Variants in RGS7 observed in about 807,000 individuals in gnomAD.
The protein encoded by RGS7 is regulator of G protein signaling 7.
Under a neutral mutation model 81.1 loss-of-function variants are expected in RGS7, and 27 were observed. That is an observed-to-expected ratio of 0.33 (90% CI 0.25 to 0.46). The LOEUF (loss-of-function observed/expected upper bound fraction) is 0.46. RGS7 is among the 20% of genes least tolerant of loss of function. The pLI, the probability that RGS7 is intolerant of heterozygous loss-of-function variation, is 1.00. For missense variants in RGS7, 396 were observed against 607.4 expected (o/e 0.65, Z 3.66); for synonymous variants, 208 against 207.7 (o/e 1.00, Z -0.01).
chr1:240,803,928 C>CA (rs1259354091), intron 15 of RGS7, among the ~76,000 whole-genome samples: 1 of 151,786 alleles, frequency 6.6e-6, no homozygotes, highest in Non-Finnish European at 1.5e-5. Flanking sequence ...AACACAACAG[C>CA]AATAATTTGA....
intron 13 of RGS7, 93 bp downstream of exon 13, chr1:240,813,525 C>G (rs1222679602): frequency 3.8e-6 from 3 of 782,562 alleles, no homozygotes; most frequent in African/African-American, 3.4e-5. Flanking sequence ...AACAAAATTA[C>G]ATTCACAATT....
At chr1:241,242,752 A>G (rs1337855316) in intron 2 of RGS7, among the ~76,000 whole-genome samples, 2 of 151,962 alleles carry the variant, frequency 1.3e-5, no homozygotes, top group African/African-American at 2.4e-5. Context: ...GATTTTTTTC[A>G]TATGTTTCTT....
intron 2 of RGS7, among the ~76,000 whole-genome samples, chr1:241,109,378 T>C (rs1357192001): frequency 1.3e-5 from 2 of 152,288 alleles, no homozygotes; most frequent in East Asian, 1.9e-4. Context: ...CAACAGAATA[T>C]GATCATATTC....
chr1:240,933,133 C>CT (rs1558487932), intron 5 of RGS7, among the ~76,000 whole-genome samples: 11 of 150,594 alleles, frequency 7.3e-5, no homozygotes, highest in Non-Finnish European at 1.6e-4. Flanking sequence ...CTGCCCCCCT[C>CT]GGCCCCACAA....
chr1:241,338,943 C>T (rs888352860), intron 2 of RGS7, among the ~76,000 whole-genome samples: 5 of 151,958 alleles, frequency 3.3e-5, no homozygotes, highest in African/African-American at 1.2e-4. Flanking sequence ...AGATTTGTTA[C>T]ATAGGTGAAC....
intron 3 of RGS7, among the ~76,000 whole-genome samples, chr1:240,991,492 G>A (rs888570344): frequency 2.6e-5 from 4 of 152,156 alleles, no homozygotes; most frequent in African/African-American, 9.7e-5. Context: ...TCTTGTGTGG[G>A]ATGGTGACAG....
rs556808645 is a variant in RGS7 at position 241,296,033 on chromosome 1, T to C, written c.78+59666A>G. On this transcript the variant is annotated intron_variant, in intron 2 of 18. Coordinates refer to ENST00000440928, the MANE Select transcript of RGS7 (RefSeq NM_001364886.1). ...GAACATGTTGAGCTTAAAGTGTCCATGGAGTATCTTGAGAAGATTCTGAGA... is the reference window on the plus strand; with the variant it reads ...GAACATGTTGAGCTTAAAGTGTCCACGGAGTATCTTGAGAAGATTCTGAGA... Among the ~76,000 whole-genome samples the C allele has an allele frequency of 5.1e-4, 77 of 152,326 alleles. 2 individuals carry two copies. Among genetic ancestry groups the C allele is most frequent in the African/African-American group, 1.8e-3 (74 of 41,570 alleles).
intron 6 of RGS7, among the ~76,000 whole-genome samples, chr1:240,892,158 T>C (rs1050933285): frequency 1.3e-5 from 2 of 152,244 alleles, no homozygotes; most frequent in Non-Finnish European, 1.5e-5. Context: ...TCTATGCTAA[T>C]GGTTCCCTTA....
chr1:241,249,880 T>C (rs1299912304), intron 2 of RGS7, among the ~76,000 whole-genome samples: 1 of 152,134 alleles, frequency 6.6e-6, no homozygotes, highest in Non-Finnish European at 1.5e-5. Flanking sequence ...GAAAAAAATT[T>C]TGGAATTTCA....
intron 3 of RGS7, among the ~76,000 whole-genome samples, chr1:241,082,874 C>A (rs749789120): frequency 1.3e-5 from 2 of 152,120 alleles, no homozygotes; most frequent in Non-Finnish European, 2.9e-5. Flanking sequence ...TAAATTATTT[C>A]TCTACAAATA....
At chr1:240,804,162 T>A (rs1688457803) in intron 15 of RGS7, among the ~76,000 whole-genome samples, 1 of 152,192 alleles carries the variant, frequency 6.6e-6, no homozygotes, top group Non-Finnish European at 1.5e-5. Flanking sequence ...ATCTCTCTGA[T>A]CCTTAATTTT....
intron 2 of RGS7, among the ~76,000 whole-genome samples, chr1:241,107,025 T>C (rs1328696642): frequency 2.0e-5 from 3 of 152,162 alleles, no homozygotes; most frequent in Non-Finnish European, 4.4e-5. Flanking sequence ...GTTGACAGAA[T>C]CCCAAATTCA....
At chr1:241,270,761 C>CTTTTT (rs1043826920) in intron 2 of RGS7, among the ~76,000 whole-genome samples, 4 of 148,902 alleles carry the variant, frequency 2.7e-5, no homozygotes, top group Non-Finnish European at 3.0e-5. Context: ...ACCCCCCCCC[C>CTTTTT]TTTTTTTTTT....
intron 4 of RGS7, among the ~76,000 whole-genome samples, chr1:240,945,495 T>C (rs1022248678): frequency 2.0e-5 from 3 of 152,240 alleles, no homozygotes; most frequent in Non-Finnish European, 4.4e-5. Flanking sequence ...TGCATTTTGT[T>C]TGAAAATCAA....
intron 9 of RGS7, among the ~76,000 whole-genome samples, chr1:240,842,030 T>C (rs948719618): frequency 6.6e-6 from 1 of 151,996 alleles, no homozygotes; most frequent in African/African-American, 2.4e-5. Flanking sequence ...GTGTATGAAA[T>C]ACTGCACGTA....
intron 2 of RGS7, among the ~76,000 whole-genome samples, chr1:241,311,142 A>C (rs1297211211): frequency 6.6e-6 from 1 of 152,226 alleles, no homozygotes; most frequent in Non-Finnish European, 1.5e-5. Flanking sequence ...TAAGACAATT[A>C]AAAGTATTGC....
rs377573487 is a variant in RGS7 at position 241,088,263 on chromosome 1, A to T, written c.175+10403T>A. The stretch of plus-strand genomic sequence containing the variant: ...TCAAGAGAGTGAGAGAGGAAGTGAT[A>T]CCAGATGAGGTCTGAGAGGCAGGGA... On this transcript the variant is annotated intron_variant, in intron 3 of 18. Transcript: ENST00000440928. Among the ~76,000 whole-genome samples, 152 of 152,042 alleles carry T rather than the reference A, an allele frequency of 1.0e-3. 1 individual carries two copies. Among genetic ancestry groups the T allele is most frequent in the African/African-American group, 3.5e-3 (146 of 41,460 alleles).
At chr1:241,304,359 A>C (rs1314487379) in intron 2 of RGS7, among the ~76,000 whole-genome samples, 1 of 152,222 alleles carries the variant, frequency 6.6e-6, no homozygotes, top group African/African-American at 2.4e-5. Flanking sequence ...GTCACGGCTA[A>C]AACCAGAGTA....
intron 3 of RGS7, among the ~76,000 whole-genome samples, chr1:241,003,594 T>C (rs893044930): frequency 6.6e-6 from 1 of 151,952 alleles, no homozygotes; most frequent in Non-Finnish European, 1.5e-5. Context: ...TGGAATTCCA[T>C]CAAGTGTTTT....
Sources: gnomAD v4.1 joint callset for allele counts (sites outside exome capture counted in the v4.1 genomes callset) on GRCh38, gnomAD v4.1.1 for gene constraint, MANE v1.5 for transcripts, NCBI Gene and HGNC (gene_info 2026-07-23, HGNC 2026-07-21) for gene names.